Variants in DLG2 observed in about 807,000 individuals in gnomAD.
DLG2 encodes discs large MAGUK scaffold protein 2.
In DLG2, 45 loss-of-function variants were observed where a neutral mutation model predicts 132.5. That is an observed-to-expected ratio of 0.34 (90% CI 0.27 to 0.44). DLG2 has a LOEUF of 0.44. Ranked by LOEUF, DLG2 falls within the 20% of genes least tolerant of loss-of-function variation. The probability of loss-of-function intolerance (pLI) is 1.00; values close to 1 mark genes in which losing one functional copy is unlikely to be tolerated. For missense variants in DLG2, 1,045 were observed against 1,196.9 expected (o/e 0.87, Z 1.87); for synonymous variants, 424 against 419.6 (o/e 1.01, Z -0.13).
At chr11:84,880,885 T>C (rs1046909608) in intron 6 of DLG2, among the ~76,000 whole-genome samples, 1 of 152,164 alleles carries the variant, frequency 6.6e-6, no homozygotes, top group African/African-American at 2.4e-5. Context: ...AAATAAATCA[T>C]TCATTTATTC....
intron 6 of DLG2, among the ~76,000 whole-genome samples, chr11:84,692,015 C>T (rs1389893209): frequency 1.3e-5 from 2 of 151,738 alleles, no homozygotes; most frequent in Admixed American, 1.3e-4. Context: ...TCTCCACATT[C>T]AGTACTTTTT....
At chr11:83,582,204 C>G (rs1484741008) in intron 19 of DLG2, among the ~76,000 whole-genome samples, 1 of 152,038 alleles carries the variant, frequency 6.6e-6, no homozygotes, top group African/African-American at 2.4e-5. Flanking sequence ...GATCTGCCCA[C>G]CTTGGCCTCC....
At chr11:85,497,146 T>A (rs536432114) in intron 3 of DLG2, among the ~76,000 whole-genome samples, 49 of 152,100 alleles carry the variant, frequency 3.2e-4, no homozygotes, top group African/African-American at 1.1e-3. Flanking sequence ...TAAAGAAGCA[T>A]GTTCTAACCC....
chr11:85,424,776 C>T (rs940759298), intron 3 of DLG2, among the ~76,000 whole-genome samples: 1 of 152,254 alleles, frequency 6.6e-6, no homozygotes, highest in African/African-American at 2.4e-5. Flanking sequence ...ATATTCCAAG[C>T]TCTCTACAAT....
chr11:83,878,161 T>A (rs1205471368), intron 15 of DLG2, among the ~76,000 whole-genome samples: 1 of 152,166 alleles, frequency 6.6e-6, no homozygotes, highest in East Asian at 1.9e-4. Context: ...GGGCTATGAA[T>A]CACTAAGATT....
Position 84,103,698 on chromosome 11 carries a change from C to T in DLG2, c.625-4651G>A, listed in dbSNP as rs999332639. On this transcript the variant is annotated intron_variant, in intron 9 of 27. Coordinates refer to ENST00000376104, the MANE Select transcript of DLG2 (RefSeq NM_001142699.3). ...TCATGTACTGCACACCATCTCCTCT[C>T]AGAGAGAGAATCCACCAAAAGGAAA... 2.6e-5 allele frequency among the ~76,000 whole-genome samples: 4 copies of T among 152,086 alleles called. No individual in the cohort carries two copies. The East Asian group carries it at 7.7e-4, about 29-fold the overall frequency.
intron 4 of DLG2, among the ~76,000 whole-genome samples, chr11:85,216,987 C>T (rs1392578130): frequency 6.6e-6 from 1 of 152,042 alleles, no homozygotes; most frequent in Non-Finnish European, 1.5e-5. Context: ...AGCCGCCGCG[C>T]CTGGCCTACA....
At chr11:83,953,697 G>T (rs1233668158) in intron 14 of DLG2, among the ~76,000 whole-genome samples, 4 of 152,120 alleles carry the variant, frequency 2.6e-5, no homozygotes, top group African/African-American at 7.2e-5. Flanking sequence ...TCACCTTATG[G>T]ATGTATGAAC....
intron 21 of DLG2, chr11:83,486,081 T>C: frequency 1.8e-6 from 1 of 547,990 alleles, no homozygotes; most frequent in Non-Finnish European, 3.2e-6. Flanking sequence ...CTATGTTCAA[T>C]ATAGTTTTAT....
At chr11:85,282,914 G>A (rs1200638785) in intron 4 of DLG2, among the ~76,000 whole-genome samples, 1 of 151,906 alleles carries the variant, frequency 6.6e-6, no homozygotes, top group African/African-American at 2.4e-5. Context: ...CCATAAAAAG[G>A]AACGAGATCA....
rs565510475 is a variant in DLG2 at position 85,381,383 on chromosome 11, A to G, written c.41-96018T>C. The stretch of plus-strand genomic sequence containing the variant: ...TAAAGGGTATCTATGAAAAACTCAC[A>G]GCTAACATCATACTTAATGGTGAAA... On this transcript the variant is annotated intron_variant, in intron 3 of 27. Coordinates refer to ENST00000376104, the MANE Select transcript of DLG2 (RefSeq NM_001142699.3). 4.8e-4 allele frequency among the ~76,000 whole-genome samples: 73 copies of G among 152,340 alleles called. 2 individuals are homozygous for G. The highest frequency in any genetic ancestry group is 1.6e-3 in the African/African-American group (67 of 41,580).
chr11:85,187,691 CA>C (rs2080215980), intron 4 of DLG2, among the ~76,000 whole-genome samples: 2 of 152,082 alleles, frequency 1.3e-5, no homozygotes, highest in African/African-American at 4.8e-5. Flanking sequence ...CCATCCAGCT[CA>C]GTTTGCTAGT....
At chr11:85,236,326 C>G (rs916489712) in intron 4 of DLG2, among the ~76,000 whole-genome samples, 5 of 152,014 alleles carry the variant, frequency 3.3e-5, no homozygotes, top group African/African-American at 1.2e-4. Flanking sequence ...AATTTATTCT[C>G]TCACAGTTCT....
chr11:85,500,541 T>TAA (rs1250780725), intron 3 of DLG2, among the ~76,000 whole-genome samples: 5 of 40,816 alleles, frequency 1.2e-4, no homozygotes, highest in South Asian at 5.5e-4. Flanking sequence ...TAGAGTATAA[T>TAA]AAAAAAAATA....
chr11:84,887,238 T>C (rs754930515), intron 6 of DLG2: 1 of 152,100 alleles, frequency 6.6e-6, no homozygotes, highest in African/African-American at 2.4e-5. Flanking sequence ...GCTCTACAAA[T>C]AGTATACTGG....
intron 3 of DLG2, among the ~76,000 whole-genome samples, chr11:85,302,838 C>CT (rs35240598): frequency 0.049 from 7,410 of 152,106 alleles, 202 homozygotes; most frequent in Admixed American, 0.057. Context: ...ATAATAAAGG[C>CT]TTACTTTTAT....
chr11:83,940,220 C>T (rs1158874400), intron 14 of DLG2, among the ~76,000 whole-genome samples: 1 of 152,086 alleles, frequency 6.6e-6, no homozygotes, highest in East Asian at 1.9e-4. Flanking sequence ...TTAGAAAGTC[C>T]CTGGTTTCTA....
intron 3 of DLG2, among the ~76,000 whole-genome samples, chr11:85,545,798 T>G (rs2076279970): frequency 6.6e-6 from 1 of 152,252 alleles, no homozygotes; most frequent in Non-Finnish European, 1.5e-5. Flanking sequence ...TAGTATTCTC[T>G]GATGGTAGTT....
intron 4 of DLG2, among the ~76,000 whole-genome samples, chr11:85,250,965 G>C (rs753187574): frequency 6.6e-6 from 1 of 152,154 alleles, no homozygotes; most frequent in South Asian, 2.1e-4. Context: ...AGTGGTCAAA[G>C]ACATTTTGGA....
Sources: gnomAD v4.1 joint callset for allele counts (sites outside exome capture counted in the v4.1 genomes callset) on GRCh38, gnomAD v4.1.1 for gene constraint, MANE v1.5 for transcripts, NCBI Gene and HGNC (gene_info 2026-07-23, HGNC 2026-07-21) for gene names.